LPP: variants seen among roughly 807,000 people sequenced by gnomAD.
LPP encodes the protein lipoma-preferred partner.
LPP carries 38 observed loss-of-function variants against 60.4 expected under a neutral mutation model. That is an observed-to-expected ratio of 0.63 (90% CI 0.49 to 0.83). The LOEUF is 0.83. LPP is among the 40% of genes least tolerant of loss of function. The pLI, the probability that LPP is intolerant of heterozygous loss-of-function variation, is 0.00. For missense variants in LPP, 902 were observed against 783.6 expected (o/e 1.15, Z -1.80); for synonymous variants, 328 against 290.8 (o/e 1.13, Z -1.30).
At chr3:188,203,715 A>G (rs1227524270) in intron 1 of LPP, among the ~76,000 whole-genome samples, 1 of 148,528 alleles carries the variant, frequency 6.7e-6, no homozygotes, top group Non-Finnish European at 1.5e-5. Context: ...TCCTAGGCTC[A>G]AGCAATCCTT....
intron 6 of LPP, among the ~76,000 whole-genome samples, chr3:188,556,147 C>T (rs1403532688): frequency 6.6e-6 from 1 of 152,094 alleles, no homozygotes; most frequent in African/African-American, 2.4e-5. Flanking sequence ...TTGATAAGAA[C>T]AGTTATCGTT....
chr3:188,879,933 T>C lies in LPP; in HGVS notation c.*5454T>C, dbSNP rs143983420. 352 of 181,752 alleles carry C rather than the reference T, an allele frequency of 1.9e-3. 1 individual carries two copies. The highest frequency in any genetic ancestry group is 3.7e-3 in the Admixed American group (59 of 15,972). The allele number at this position is 181,752 out of a possible 1,614,324, so 11.3% of individuals were successfully genotyped here. On this transcript the variant is annotated 3_prime_UTR_variant, in exon 12 of 12. Transcript: ENST00000617246. ...AATTTCCTTTTCTATTTAATTTTCC[T>C]GGCCCTTGTGCAAAAAATTGTGGAC...
intron 5 of LPP, among the ~76,000 whole-genome samples, chr3:188,522,807 ATATATATATG>A (rs1474329579): frequency 2.3e-5 from 3 of 133,260 alleles, no homozygotes; most frequent in African/African-American, 5.6e-5. Flanking sequence ...ATATATATAT[ATATATATATG>A]TGTATGTGTG....
intron 8 of LPP, among the ~76,000 whole-genome samples, chr3:188,739,176 G>C (rs777600389): frequency 6.6e-6 from 1 of 152,036 alleles, no homozygotes; most frequent in Non-Finnish European, 1.5e-5. Flanking sequence ...GGGGTATACA[G>C]AAAGGCTTTA....
chr3:188,406,383 C>A, intron 4 of LPP, 70 bp downstream of exon 4: 2 of 1,376,738 alleles, frequency 1.5e-6, no homozygotes, highest in Non-Finnish European at 2.0e-6. Context: ...ATTTGTAGTA[C>A]AAAGTTGTGT....
In LPP at chr3:188,717,027, A is replaced by G. The variant is rs146907048; in HGVS notation, c.1240+8634A>G. On this transcript the variant is annotated intron_variant, in intron 8 of 11. Transcript: ENST00000617246. ...TTGAGCAAGACAGCAGTCCTACAAA[A>G]TAGACAGTGTGTTTATTTCCATTTG... Among the ~76,000 whole-genome samples the G allele has an allele frequency of 5.3e-5, 8 of 152,344 alleles. No individual in the cohort carries two copies. The East Asian group carries it at 1.5e-3, about 29-fold the overall frequency.
intron 9 of LPP, among the ~76,000 whole-genome samples, chr3:188,801,282 A>G (rs886476506): frequency 1.2e-4 from 18 of 152,182 alleles, no homozygotes; most frequent in African/African-American, 3.9e-4. Flanking sequence ...CACCCATGTA[A>G]TATAAATTAT....
intron 2 of LPP, among the ~76,000 whole-genome samples, chr3:188,265,720 G>A (rs543929281): frequency 3.5e-4 from 53 of 152,236 alleles, no homozygotes; most frequent in African/African-American, 1.2e-3. Context: ...GAGAGATTGG[G>A]AGTGGGAGGC....
intron 4 of LPP, among the ~76,000 whole-genome samples, chr3:188,421,665 A>G (rs1030099315): frequency 9.9e-5 from 15 of 152,108 alleles, no homozygotes; most frequent in African/African-American, 3.4e-4. Context: ...CTGCTGTTTC[A>G]TTTGTGGTGG....
intron 2 of LPP, among the ~76,000 whole-genome samples, chr3:188,319,568 T>A (rs1022123139): frequency 2.6e-5 from 4 of 152,202 alleles, no homozygotes; most frequent in African/African-American, 9.7e-5. Context: ...TGTATTGTAG[T>A]TCATTGTTGT....
chr3:188,788,434 A>G (rs919445864), intron 9 of LPP, among the ~76,000 whole-genome samples: 4 of 152,172 alleles, frequency 2.6e-5, no homozygotes, highest in African/African-American at 4.8e-5. Context: ...CCATTTAGAC[A>G]TCACTTTTCC....
At position 188,534,605 on chromosome 3, in the gene LPP, A is replaced by G. The variant is rs1047809425; in HGVS notation, c.429+9818A>G. Among the ~76,000 whole-genome samples the G allele has an allele frequency of 2.6e-5, 4 of 152,178 alleles. No homozygotes were observed. The East Asian group carries it at 7.7e-4, about 29-fold the overall frequency. ...CAAATAAACAAGAAAACACAAGTCTAGCTATGTTTTTTAACTCAAGATGAC... is the reference window on the plus strand; with the variant it reads ...CAAATAAACAAGAAAACACAAGTCTGGCTATGTTTTTTAACTCAAGATGAC... On this transcript the variant is annotated intron_variant, in intron 6 of 11. Coordinates refer to ENST00000617246, the MANE Select transcript of LPP (RefSeq NM_001375462.1).
At chr3:188,425,958 C>G (rs368483561) in intron 4 of LPP, among the ~76,000 whole-genome samples, 6 of 152,146 alleles carry the variant, frequency 3.9e-5, no homozygotes, top group South Asian at 2.1e-4. Flanking sequence ...TCCTCCAGTT[C>G]TGCTCTTATC....
intron 5 of LPP, among the ~76,000 whole-genome samples, chr3:188,501,652 G>A (rs1322401712): frequency 6.6e-6 from 1 of 152,122 alleles, no homozygotes; most frequent in Non-Finnish European, 1.5e-5. Context: ...GGGAGGCTGA[G>A]GCAGGAGAAT....
At chr3:188,393,331 C>A (rs1367843085) in intron 3 of LPP, among the ~76,000 whole-genome samples, 2 of 152,090 alleles carry the variant, frequency 1.3e-5, no homozygotes, top group East Asian at 3.9e-4. Context: ...TTCTTAAGAG[C>A]ACATGCTCCT....
intron 2 of LPP, among the ~76,000 whole-genome samples, chr3:188,268,074 C>T (rs1313724337): frequency 2.2e-5 from 3 of 136,722 alleles, no homozygotes; most frequent in South Asian, 2.3e-4. Context: ...AGGTAGAGCA[C>T]GGGCCATCTC....
chr3:188,690,303 G>A (rs1022125102), intron 7 of LPP, among the ~76,000 whole-genome samples: 22 of 152,078 alleles, frequency 1.4e-4, no homozygotes, highest in African/African-American at 5.1e-4. Context: ...CTGTTTGCTC[G>A]GGGTTAGGCT....
chr3:188,417,788 A>G (rs1786708261), intron 4 of LPP, among the ~76,000 whole-genome samples: 1 of 152,340 alleles, frequency 6.6e-6, no homozygotes, highest in Non-Finnish European at 1.5e-5. Context: ...TACAAATGCT[A>G]AGGCAAGAAA....
intron 2 of LPP, among the ~76,000 whole-genome samples, chr3:188,254,287 A>G (rs961934516): frequency 6.6e-6 from 1 of 152,220 alleles, no homozygotes; most frequent in Admixed American, 6.5e-5. Context: ...TAGGTGTTGC[A>G]TATGGTGATT....
Sources: allele counts gnomAD v4.1 joint callset (sites outside exome capture counted in the v4.1 genomes callset), GRCh38; gene constraint gnomAD v4.1.1; transcripts MANE v1.5; gene names NCBI Gene and HGNC (gene_info 2026-07-23, HGNC 2026-07-21).